NFATC2: variants seen among roughly 807,000 people sequenced by gnomAD.
The protein encoded by NFATC2 is nuclear factor of activated T-cells, cytoplasmic 2.
Under a neutral mutation model 87.3 loss-of-function variants are expected in NFATC2, and 22 were observed. That is an observed-to-expected ratio of 0.25 (90% CI 0.18 to 0.36). The LOEUF is 0.36. Among genes scored for constraint, NFATC2 ranks in the 10% least tolerant of loss-of-function variants. The pLI is 1.00. For synonymous variants in NFATC2, 565 were observed against 542.2 expected, an observed-to-expected ratio of 1.04 and a Z score of -0.58; for missense variants, 1,149 against 1,259.1, an observed-to-expected ratio of 0.91 and a Z score of 1.32.
rs147947038 is a variant in NFATC2 at position 51,472,602 on chromosome 20, A to G, written c.1708+1378T>C. ...AATAGAAACAGTTTTTGTTTCTGGA[A>G]CAATGCTTATTTTTTTCTTCTTTCT... On this transcript the variant is annotated intron_variant, in intron 5 of 10. Transcript: ENST00000371564. Among the ~76,000 whole-genome samples, 367 of 151,754 alleles carry G rather than the reference A, an allele frequency of 2.4e-3. 4 individuals carry two copies. The highest frequency in any genetic ancestry group is 8.5e-3 in the African/African-American group (353 of 41,396).
At chr20:51,413,888 A>G (rs1979644997) in intron 9 of NFATC2, among the ~76,000 whole-genome samples, 1 of 152,246 alleles carries the variant, frequency 6.6e-6, no homozygotes, top group Admixed American at 6.5e-5. Context: ...CATCTATAAA[A>G]TGCCTCTGCG....
chr20:51,407,113 C>T (rs1978446812), intron 9 of NFATC2, among the ~76,000 whole-genome samples: 1 of 152,216 alleles, frequency 6.6e-6, no homozygotes, highest in Admixed American at 6.5e-5. Flanking sequence ...GACTCCTGCT[C>T]TTGCCTTAGA....
At chr20:51,541,112 C>T (rs372168717) in intron 1 of NFATC2, among the ~76,000 whole-genome samples, 3 of 152,122 alleles carry the variant, frequency 2.0e-5, no homozygotes, top group Non-Finnish European at 4.4e-5. Context: ...AAAGCAAACC[C>T]CTCACCTAAC....
In NFATC2 at chr20:51,516,772, T is replaced by C; in HGVS notation, c.1332+12A>G. On this transcript the variant is annotated intron_variant, in intron 3 of 10. Transcript: ENST00000371564. ...ACACCACACACAAAAGGAAGAGCATTCAAGTCCATACCTGAACCACAGGGT... is the reference window on the plus strand; with the variant it reads ...ACACCACACACAAAAGGAAGAGCATCCAAGTCCATACCTGAACCACAGGGT... 1 of 1,587,164 alleles carries C rather than the reference T, an allele frequency of 6.3e-7. No homozygotes were observed. Among genetic ancestry groups the C allele is most frequent in the African/African-American group, 1.4e-5 (1 of 73,982 alleles).
chr20:51,475,746 G>T, intron 3 of NFATC2, 86 bp from the exon 4 acceptor site: 3 of 1,304,826 alleles, frequency 2.3e-6, no homozygotes, highest in Non-Finnish European at 3.2e-6. Context: ...GAGCTCATGG[G>T]CAGTAGAGAG....
intron 9 of NFATC2, among the ~76,000 whole-genome samples, chr20:51,411,512 T>C (rs1256437619): frequency 1.4e-5 from 2 of 145,218 alleles, no homozygotes; most frequent in African/African-American, 2.6e-5. Flanking sequence ...AGCAATGCAA[T>C]TGTCTTTTTT....
intron 3 of NFATC2, among the ~76,000 whole-genome samples, chr20:51,491,851 C>T (rs11697536): frequency 0.033 from 4,840 of 146,340 alleles, 120 homozygotes; most frequent in Middle Eastern, 0.067. Flanking sequence ...AGAACAGCCC[C>T]ACCCCCACCA....
chr20:51,471,648 A>C (rs1191993600), intron 5 of NFATC2, among the ~76,000 whole-genome samples: 1 of 152,164 alleles, frequency 6.6e-6, no homozygotes, highest in African/African-American at 2.4e-5. Flanking sequence ...CTGCTCTCCC[A>C]AAGAAAGGAC....
rs538112209 is a variant in NFATC2, at chr20:51,532,415, C to T, written c.131-8305G>A. The stretch of plus-strand genomic sequence containing the variant: ...CCTGACACAGGGAAGCAAGGATCCC[C>T]CCCGGAAAAGAAATCACTCTGGGGG... On this transcript the variant is annotated intron_variant, in intron 1 of 10. Coordinates refer to ENST00000371564, the MANE Select transcript of NFATC2 (RefSeq NM_012340.5). Among the ~76,000 whole-genome samples, 7 of 152,264 alleles carry T rather than the reference C, an allele frequency of 4.6e-5. 1 individual carries two copies. The East Asian group carries it at 1.4e-3, about 29-fold the overall frequency.
Position 51,474,031 on chromosome 20 carries a change from A to C in NFATC2, c.1657T>G (p.Ser553Ala). The change falls in exon 5 of 11, where the codon TCC becomes GCC. Residue 553 changes from serine to alanine, a missense_variant. Around this residue, in one of 3 missense-constraint regions of NFATC2, gnomAD observed 581 missense variants for 649.7 expected, o/e 0.89. Coordinates refer to ENST00000371564, the MANE Select transcript of NFATC2 (RefSeq NM_012340.5). ...TGTAAAGAGACGATTCTGCCACTGG[A>C]CTCTGGGATGTGAACTCGGAAAACC... is the stretch of plus-strand genomic sequence containing the variant. Reference protein sequence around the residue: ...RLVFRVHIPESSGRIVSLQTA... With the variant: ...RLVFRVHIPEASGRIVSLQTA... 6.2e-7 allele frequency: 1 copy of C among 1,613,980 alleles called. No homozygotes were observed. The highest frequency in any genetic ancestry group is 8.5e-7 in the Non-Finnish European group (1 of 1,179,990).
Position 51,524,798 on chromosome 20 carries a change from C to A in NFATC2, c.131-688G>T, listed in dbSNP as rs2076516673. On this transcript the variant is annotated intron_variant, in intron 1 of 10. Transcript: ENST00000371564. The surrounding 1 kb of genome is among the most constrained non-coding windows in gnomAD (Gnocchi z 4.0). ...TTTTACAAATGAGGAAACTGAGGCC[C>A]AGAGCGGGGAAAAGGCCCACCGAAA... 6.6e-6 allele frequency among the ~76,000 whole-genome samples: 1 copy of A among 152,052 alleles called. No homozygotes were observed. Among genetic ancestry groups the A allele is most frequent in the East Asian group, 1.9e-4 (1 of 5,196 alleles).
chr20:51,391,781 G>A (rs147232859), intron 10 of NFATC2, among the ~76,000 whole-genome samples: 1,819 of 152,248 alleles, frequency 0.012, 22 homozygotes, highest in South Asian at 0.022. Context: ...CTCCCAAAGT[G>A]TTGGGATTAC....
chr20:51,500,514 C>A (rs1305320600), intron 3 of NFATC2, among the ~76,000 whole-genome samples: 1 of 151,734 alleles, frequency 6.6e-6, no homozygotes, highest in Non-Finnish European at 1.5e-5. Context: ...AGGGAACTTA[C>A]AGAGCCCTAC....
chr20:51,488,194 A>C (rs1031538305), intron 3 of NFATC2, among the ~76,000 whole-genome samples: 2 of 152,198 alleles, frequency 1.3e-5, no homozygotes, highest in Non-Finnish European at 2.9e-5. Context: ...TCAGGAAAGA[A>C]GATTAAGCTG....
chr20:51,413,947 G>A (rs1464597295), intron 9 of NFATC2, among the ~76,000 whole-genome samples: 1 of 152,168 alleles, frequency 6.6e-6, no homozygotes, highest in Admixed American at 6.5e-5. Flanking sequence ...TTAGAAGAAT[G>A]TCTGGTAAAC....
intron 9 of NFATC2, among the ~76,000 whole-genome samples, chr20:51,431,711 T>G (rs1568966056): frequency 6.6e-6 from 1 of 152,214 alleles, no homozygotes; most frequent in Non-Finnish European, 1.5e-5. Flanking sequence ...CCTTCCTATT[T>G]TCTTGGCCTC....
intron 5 of NFATC2, among the ~76,000 whole-genome samples, chr20:51,460,599 G>C (rs1209940881): frequency 6.7e-6 from 1 of 150,010 alleles, no homozygotes; most frequent in African/African-American, 2.5e-5. Context: ...GGTCACTGCT[G>C]TTCTCGGTGA....
At chr20:51,486,854 G>C (rs1232599788) in intron 3 of NFATC2, among the ~76,000 whole-genome samples, 1 of 152,080 alleles carries the variant, frequency 6.6e-6, no homozygotes, top group African/African-American at 2.4e-5. Flanking sequence ...CAGTCTGCAG[G>C]AATGTGTCTC....
In NFATC2 at chr20:51,389,899, G is replaced by T. The variant is rs1332619112; in HGVS notation, c.*1597C>A. On this transcript the variant is annotated 3_prime_UTR_variant, in exon 11 of 11. Transcript: ENST00000371564. ...GGACTGAGAAAACACTCTAAGTACA[G>T]TCTGAGTGCTAAGAATATTTTCACT... 1 of 152,214 alleles carries T rather than the reference G, an allele frequency of 6.6e-6. No individual in the cohort carries two copies. The highest frequency in any genetic ancestry group is 2.4e-5 in the African/African-American group (1 of 41,448). The allele number at this position is 152,214 out of a possible 1,614,324, so 9.4% of individuals were successfully genotyped here. A position where few individuals can be genotyped will look rare whatever the true frequency, so the allele number is the denominator to read the frequency against.
Sources: gnomAD v4.1 joint callset for allele counts (sites outside exome capture counted in the v4.1 genomes callset) on GRCh38, gnomAD v4.1.1 for gene constraint, gnomAD v4.1.1 regional missense constraint, Gnocchi (gnomAD v3.1) non-coding constraint, MANE v1.5 for transcripts, NCBI Gene and HGNC (gene_info 2026-07-23, HGNC 2026-07-21) for gene names.